Variants in BCKDHB observed in about 807,000 individuals in gnomAD.
BCKDHB encodes the protein branched chain keto acid dehydrogenase E1 subunit beta.
BCKDHB carries 41 observed loss-of-function variants against 48.5 expected under a neutral mutation model. The observed-to-expected ratio is 0.85, with a 90% CI of 0.66 to 1.10. The LOEUF (loss-of-function observed/expected upper bound fraction) is 1.10, where lower values mean the gene tolerates loss of function less well. Among genes scored for constraint, BCKDHB ranks in the 50% least tolerant of loss-of-function variants. The probability of loss-of-function intolerance (pLI) is 0.00; values close to 1 mark genes in which losing one functional copy is unlikely to be tolerated. For synonymous variants in BCKDHB, 201 were observed against 174.8 expected (o/e 1.15, Z -1.18); for missense variants, 496 against 494.2 (o/e 1.00, Z -0.03).
intron 9 of BCKDHB, among the ~76,000 whole-genome samples, chr6:80,316,370 ACTG>A (rs1427494085): frequency 8.3e-6 from 1 of 119,852 alleles, no homozygotes; most frequent in Non-Finnish European, 1.8e-5. Context: ...TGAAACTCAA[ACTG>A]CTTTTTTTTT....
At chr6:80,208,734 T>TA (rs1446326743) in intron 8 of BCKDHB, among the ~76,000 whole-genome samples, 1 of 151,874 alleles carries the variant, frequency 6.6e-6, no homozygotes, top group Non-Finnish European at 1.5e-5. Context: ...CAAGAGGAAT[T>TA]AGAAAATCTG....
chr6:80,461,212 A>T, the BCKDHB span, among the ~76,000 whole-genome samples: 4 of 152,164 alleles, frequency 2.6e-5, no homozygotes, highest in East Asian at 7.7e-4. Flanking sequence ...AACTGAACCC[A>T]TTATGTTCTG....
rs79032754 is a variant in BCKDHB at position 80,125,282 on chromosome 6, A to G, written c.197-2265A>G. 2.4e-3 allele frequency among the ~76,000 whole-genome samples: 365 copies of G among 152,304 alleles called. 1 individual carries two copies. The highest frequency in any genetic ancestry group is 7.7e-3 in the African/African-American group (321 of 41,574). On this transcript the variant is annotated intron_variant, in intron 1 of 9. Transcript: ENST00000320393. ...CCTCTGTCAGCTTTCATAGAATTGA[A>G]AAGAGTTAGGAACTTGCCCTGGATT...
intron 3 of BCKDHB, among the ~76,000 whole-genome samples, chr6:80,150,935 T>A (rs1417225020): frequency 6.6e-6 from 1 of 152,204 alleles, no homozygotes; most frequent in Non-Finnish European, 1.5e-5. Context: ...TTCAGTGAGC[T>A]GAATACTGTC....
intron 8 of BCKDHB, among the ~76,000 whole-genome samples, chr6:80,210,021 T>C (rs1280435277): frequency 6.6e-6 from 1 of 151,860 alleles, no homozygotes; most frequent in Admixed American, 6.6e-5. Flanking sequence ...TCTCATAGAC[T>C]ATTGTTGGTA....
At chr6:80,306,974 T>C (rs1767912049) in intron 9 of BCKDHB, among the ~76,000 whole-genome samples, 1 of 152,176 alleles carries the variant, frequency 6.6e-6, no homozygotes, top group Non-Finnish European at 1.5e-5. Context: ...CCAGAAGTAT[T>C]CATTGGACCA....
chr6:80,146,190 G>T (rs945416308), intron 3 of BCKDHB, among the ~76,000 whole-genome samples: 2 of 152,196 alleles, frequency 1.3e-5, no homozygotes, highest in Admixed American at 6.5e-5. Context: ...CCAAGTTTGA[G>T]AACTACTGCT....
chr6:80,175,912 T>A (rs1410838122), intron 6 of BCKDHB, among the ~76,000 whole-genome samples: 1 of 152,148 alleles, frequency 6.6e-6, no homozygotes, highest in African/African-American at 2.4e-5. Flanking sequence ...CGGGGAAGAC[T>A]GTGAGGAAAG....
chr6:80,154,510 A>G (rs1771943517), intron 3 of BCKDHB, among the ~76,000 whole-genome samples: 1 of 152,154 alleles, frequency 6.6e-6, no homozygotes. Flanking sequence ...AGTTGTGACA[A>G]ACAGCACTTT....
intron 1 of BCKDHB, among the ~76,000 whole-genome samples, chr6:80,119,162 TGCCTGTAATCCCTGGG>T (rs1769870176): frequency 6.6e-6 from 1 of 152,042 alleles, no homozygotes; most frequent in African/African-American, 2.4e-5. Flanking sequence ...TGCTAGCGCA[TGCCTGTAATCCCTGGG>T]GTGGCTGTGG....
At chr6:80,451,266 G>GT in the BCKDHB span, among the ~76,000 whole-genome samples, 13,425 of 152,170 alleles carry the variant, frequency 0.088, 1,829 homozygotes, top group African/African-American at 0.29. Flanking sequence ...GGTGATCAGC[G>GT]TATAGGCTCT....
chr6:80,352,328 T>C, the BCKDHB span, among the ~76,000 whole-genome samples: 1 of 152,024 alleles, frequency 6.6e-6, no homozygotes, highest in African/African-American at 2.4e-5. Context: ...ACAGAGGAGG[T>C]CATCTTTAAC....
chr6:80,300,828 T>C (rs1172852006), intron 9 of BCKDHB, among the ~76,000 whole-genome samples: 11 of 152,034 alleles, frequency 7.2e-5, no homozygotes, highest in Non-Finnish European at 1.5e-4. Context: ...CACAGTGCAA[T>C]AAAAATATAA....
At chr6:80,278,796 A>T (rs1778072568) in intron 9 of BCKDHB, among the ~76,000 whole-genome samples, 2 of 151,718 alleles carry the variant, frequency 1.3e-5, no homozygotes, top group South Asian at 4.2e-4. Flanking sequence ...TGACCTTGTG[A>T]TCCACCGACC....
chr6:80,430,034 G>A, the BCKDHB span, among the ~76,000 whole-genome samples: 1 of 152,186 alleles, frequency 6.6e-6, no homozygotes. Flanking sequence ...TTTGAGATAC[G>A]TTCCATCGAT....
At chr6:80,177,343 T>G (rs1773213482) in intron 6 of BCKDHB, among the ~76,000 whole-genome samples, 1 of 146,800 alleles carries the variant, frequency 6.8e-6, no homozygotes, top group South Asian at 2.2e-4. Flanking sequence ...CAACAGAAGG[T>G]TTAAAAAGAA....
intron 9 of BCKDHB, among the ~76,000 whole-genome samples, chr6:80,342,556 G>GGAAAAAAAAAAAAAAA (rs1554216141): frequency 4.1e-5 from 1 of 24,098 alleles, no homozygotes; most frequent in African/African-American, 1.6e-4. Flanking sequence ...CCTCATTTCT[G>GGAAAAAAAAAAAAAAA]AAAAAAAAAA....
chr6:80,268,227 C>T (rs1777594717), intron 8 of BCKDHB, among the ~76,000 whole-genome samples: 1 of 151,940 alleles, frequency 6.6e-6, no homozygotes, highest in Admixed American at 6.6e-5. Context: ...GAAAACGTCT[C>T]AAAAAATGTA....
intron 9 of BCKDHB, among the ~76,000 whole-genome samples, chr6:80,310,330 C>T (rs923041689): frequency 6.6e-6 from 1 of 152,080 alleles, no homozygotes; most frequent in Admixed American, 6.5e-5. Flanking sequence ...TTAGCTCCCA[C>T]TTATAAGTGA....
Sources: gnomAD v4.1 joint callset for allele counts (sites outside exome capture counted in the v4.1 genomes callset) on GRCh38, gnomAD v4.1.1 for gene constraint, MANE v1.5 for transcripts, NCBI Gene and HGNC (gene_info 2026-07-23, HGNC 2026-07-21) for gene names.